The following GRAMD1B variants were observed in gnomAD, a reference collection of about 807,000 sequenced individuals.
The protein encoded by GRAMD1B is protein Aster-B.
GRAMD1B carries 37 observed loss-of-function variants against 99.7 expected under a neutral mutation model. The ratio of observed to expected loss-of-function variants is 0.37; its 90% CI spans 0.29 to 0.49. The LOEUF is 0.49. Ranked by LOEUF, GRAMD1B falls within the 20% of genes least tolerant of loss-of-function variation. The probability of loss-of-function intolerance (pLI) is 0.98; values close to 1 mark genes in which losing one functional copy is unlikely to be tolerated. For synonymous variants in GRAMD1B, 427 were observed against 387.6 expected, an observed-to-expected ratio of 1.10 and a Z score of -1.19; for missense variants, 888 against 1,009.2, an observed-to-expected ratio of 0.88 and a Z score of 1.63.
chr11:123,460,013 A>G (rs2134472671), intron 1 of GRAMD1B: 1 of 152,350 alleles, frequency 6.6e-6, no homozygotes, highest in South Asian at 2.1e-4. Flanking sequence ...AGTGGGTCCC[A>G]GAACTGAACT....
chr11:123,600,616 G>C lies in GRAMD1B; in HGVS notation c.1050+68G>C. On this transcript the variant is annotated intron_variant, in intron 8 of 19. Transcript: ENST00000635736. ...TCTAGAGAAGCCTTTGTCTCCTCAG[G>C]GTTCTGGGAATCCCCCACTGATAGT... 5 of 966,126 alleles carry C rather than the reference G, an allele frequency of 5.2e-6. No homozygotes were observed. The Admixed American group carries it at 8.1e-5, about 16-fold the overall frequency. 59.8% of individuals were successfully genotyped at this position (966,126 alleles called of 1,614,324 possible).
At chr11:123,483,977 A>G (rs1219564823) in intron 2 of GRAMD1B, among the ~76,000 whole-genome samples, 1 of 152,210 alleles carries the variant, frequency 6.6e-6, no homozygotes, top group African/African-American at 2.4e-5. Context: ...GCAAAGACTA[A>G]TCATTCTTGT....
chr11:123,548,099 A>G (rs529693604), intron 2 of GRAMD1B, among the ~76,000 whole-genome samples: 1 of 151,678 alleles, frequency 6.6e-6, no homozygotes, highest in Non-Finnish European at 1.5e-5. Context: ...GGTTAGGGCC[A>G]TGTTATCAAT....
chr11:123,587,315 C>G lies in GRAMD1B; in HGVS notation c.684+2983C>G, dbSNP rs1436320395. 1.3e-5 allele frequency among the ~76,000 whole-genome samples: 2 copies of G among 152,152 alleles called. No homozygotes were observed. Among genetic ancestry groups the G allele is most frequent in the Non-Finnish European group, 2.9e-5 (2 of 68,022 alleles). ...GAAGGCAGTGCCATCTACAGGTGCC[C>G]TGAGTCCTCCCATGCCCAATTATAT... On this transcript the variant is annotated intron_variant, in intron 4 of 19. Coordinates refer to ENST00000635736, the MANE Select transcript of GRAMD1B (RefSeq NM_001387025.1). This position sits in a 1 kb window ranked among gnomAD's most constrained non-coding sequence, Gnocchi z 4.2.
chr11:123,360,554 TG>T (rs1946104956), intron 1 of GRAMD1B, among the ~76,000 whole-genome samples: 1 of 152,182 alleles, frequency 6.6e-6, no homozygotes, highest in African/African-American at 2.4e-5. Context: ...AAAAGCTGTT[TG>T]GTTTTGGAGA....
intron 2 of GRAMD1B, among the ~76,000 whole-genome samples, chr11:123,523,691 G>A (rs1418261090): frequency 3.9e-5 from 6 of 152,170 alleles, no homozygotes; most frequent in African/African-American, 1.2e-4. Context: ...CAGTATTCAC[G>A]TGTACCTGGA....
intron 2 of GRAMD1B, among the ~76,000 whole-genome samples, chr11:123,550,998 G>T (rs964489241): frequency 6.6e-5 from 10 of 152,192 alleles, no homozygotes; most frequent in African/African-American, 2.4e-4. Flanking sequence ...AAGACTTGGA[G>T]ACAGATTTGC....
intron 2 of GRAMD1B, among the ~76,000 whole-genome samples, chr11:123,489,945 G>A (rs1006347647): frequency 6.6e-6 from 1 of 152,190 alleles, no homozygotes; most frequent in Non-Finnish European, 1.5e-5. Flanking sequence ...GGGAGGCTGA[G>A]GTGGGAGGAT....
chr11:123,469,551 T>A (rs1009932925), intron 1 of GRAMD1B, among the ~76,000 whole-genome samples: 2 of 152,074 alleles, frequency 1.3e-5, no homozygotes, highest in African/African-American at 4.8e-5. Context: ...TTGTGGAGTA[T>A]AAGGAGAGGA....
In GRAMD1B at chr11:123,430,971, T is replaced by C. The variant is rs76093589; in HGVS notation, c.179T>C (p.Leu60Pro). 7.1e-6 allele frequency: 5 copies of C among 702,826 alleles called. 1 individual carries two copies. The South Asian group carries it at 7.4e-5, about 10-fold the overall frequency. The allele number at this position is 702,826 out of a possible 1,614,324, so 43.5% of individuals were successfully genotyped here. A position where few individuals can be genotyped will look rare whatever the true frequency, so the allele number is the denominator to read the frequency against. ...NVQEQSLEAG[L>P]ARDLPAVLAP... ...CAGGAGCAGAGCCTGGAGGCCGGGC[T>C]GGCCCGGGACCTGCCCGCCGTCTTG... is the stretch of plus-strand genomic sequence containing the variant. The change falls in exon 1 of 20, where the codon CTG becomes CCG. Residue 60 changes from leucine to proline, a missense_variant. Coordinates refer to ENST00000635736, the MANE Select transcript of GRAMD1B (RefSeq NM_001387025.1).
intron 6 of GRAMD1B, among the ~76,000 whole-genome samples, chr11:123,595,174 T>A (rs1951122430): frequency 6.6e-6 from 1 of 152,146 alleles, no homozygotes; most frequent in African/African-American, 2.4e-5. Flanking sequence ...AGAACCGGCT[T>A]GCACAATTTC....
exon 1 of GRAMD1B, chr11:123,358,475 G>T (rs924799058): frequency 1.4e-4 from 22 of 152,138 alleles, no homozygotes; most frequent in Admixed American, 8.5e-4. Context: ...CGGAGAGCGG[G>T]GGAGTTCCGC....
intron 1 of GRAMD1B, among the ~76,000 whole-genome samples, chr11:123,468,147 T>C (rs12364650): frequency 0.13 from 19,315 of 151,980 alleles, 1,363 homozygotes; most frequent in Middle Eastern, 0.21. Flanking sequence ...CAGGTGTGAG[T>C]CACCGCACCC....
chr11:123,563,309 G>A (rs1946989737), intron 2 of GRAMD1B, among the ~76,000 whole-genome samples: 1 of 152,198 alleles, frequency 6.6e-6, no homozygotes, highest in Admixed American at 6.5e-5. Context: ...CCCTTGAGAG[G>A]TAAAGATTGG....
intron 2 of GRAMD1B, chr11:123,491,674 G>C: frequency 2.6e-6 from 1 of 387,814 alleles, no homozygotes; most frequent in Non-Finnish European, 4.6e-6. Flanking sequence ...CCCACCCTGG[G>C]CCCTCCATCT....
At chr11:123,458,062 G>A (rs1246031738) in intron 1 of GRAMD1B, among the ~76,000 whole-genome samples, 1 of 152,152 alleles carries the variant, frequency 6.6e-6, no homozygotes, top group Non-Finnish European at 1.5e-5. Context: ...ATGACTCCAC[G>A]ATAAGTGCGT....
intron 2 of GRAMD1B, among the ~76,000 whole-genome samples, chr11:123,524,427 A>C (rs1942496991): frequency 6.6e-6 from 1 of 151,046 alleles, no homozygotes. Context: ...TGCAGCCTCT[A>C]TCTCTCTGGT....
At chr11:123,616,181 G>A (rs1353208081) in intron 17 of GRAMD1B, among the ~76,000 whole-genome samples, 1 of 152,140 alleles carries the variant, frequency 6.6e-6, no homozygotes, top group Admixed American at 6.5e-5. Flanking sequence ...TATTAGCCAG[G>A]CATGGTGGCA....
intron 19 of GRAMD1B, among the ~76,000 whole-genome samples, chr11:123,620,348 C>A (rs1036790045): frequency 6.6e-6 from 1 of 151,838 alleles, no homozygotes; most frequent in Non-Finnish European, 1.5e-5. Context: ...GTGGCGCACA[C>A]CTGTAATCCC....
Sources: gnomAD v4.1 joint callset for allele counts (sites outside exome capture counted in the v4.1 genomes callset) on GRCh38, gnomAD v4.1.1 for gene constraint, Gnocchi (gnomAD v3.1) non-coding constraint, MANE v1.5 for transcripts, NCBI Gene and HGNC (gene_info 2026-07-23, HGNC 2026-07-21) for gene names.